SHANK2: variants seen among roughly 807,000 people sequenced by gnomAD.
SHANK2 encodes the protein SH3 and multiple ankyrin repeat domains 2.
A neutral mutation model predicts 133.7 loss-of-function variants in SHANK2; 43 were observed. The ratio of observed to expected loss-of-function variants is 0.32; its 90% CI spans 0.25 to 0.41. The LOEUF (loss-of-function observed/expected upper bound fraction) is 0.41. Among genes scored for constraint, SHANK2 ranks in the 10% least tolerant of loss-of-function variants. SHANK2 has a pLI of 1.00. For synonymous variants in SHANK2, 1,017 were observed against 952.8 expected (o/e 1.07, Z -1.24); for missense variants, 1,994 against 2,235.8 (o/e 0.89, Z 2.18).
chr11:70,488,541 G>A (rs1487758637), intron 24 of SHANK2, among the ~76,000 whole-genome samples: 2 of 152,222 alleles, frequency 1.3e-5, no homozygotes, highest in African/African-American at 2.4e-5. Flanking sequence ...GGGAATTGCA[G>A]CTCAGAGGAG....
At chr11:71,212,302 A>G (rs1195408732) in intron 2 of SHANK2, among the ~76,000 whole-genome samples, 2 of 152,214 alleles carry the variant, frequency 1.3e-5, no homozygotes, top group Admixed American at 6.5e-5. Flanking sequence ...TTGGGAAAAC[A>G]GCTAAAAAGA....
intron 2 of SHANK2, among the ~76,000 whole-genome samples, chr11:71,205,855 C>T (rs1432540044): frequency 6.6e-6 from 1 of 152,082 alleles, no homozygotes; most frequent in Non-Finnish European, 1.5e-5. Flanking sequence ...TGTCAAGAGT[C>T]GTTTCTGGAT....
At chr11:70,568,631 G>A (rs1345614082) in intron 17 of SHANK2, among the ~76,000 whole-genome samples, 1 of 132,344 alleles carries the variant, frequency 7.6e-6, no homozygotes, top group Non-Finnish European at 1.6e-5. Context: ...TCTCCCATGT[G>A]GGCAGCGGAT....
At chr11:71,165,421 A>C (rs1394017570) in intron 2 of SHANK2, among the ~76,000 whole-genome samples, 97 of 152,318 alleles carry the variant, frequency 6.4e-4, no homozygotes, top group Non-Finnish European at 1.2e-3. Flanking sequence ...AATCTCTTGC[A>C]GACCTCCCTG....
chr11:70,538,687 T>C (rs2059575297), intron 17 of SHANK2, among the ~76,000 whole-genome samples: 1 of 152,206 alleles, frequency 6.6e-6, no homozygotes, highest in Non-Finnish European at 1.5e-5. Flanking sequence ...GCTGGTTCCC[T>C]GGGGCTCTGC....
chr11:71,216,360 G>T (rs1954413715), intron 2 of SHANK2, among the ~76,000 whole-genome samples: 2 of 152,142 alleles, frequency 1.3e-5, no homozygotes, highest in African/African-American at 2.4e-5. Context: ...TGAGAAGATG[G>T]ACACAAAGGT....
chr11:71,069,238 C>G (rs1951109851), intron 9 of SHANK2, among the ~76,000 whole-genome samples: 1 of 152,012 alleles, frequency 6.6e-6, no homozygotes, highest in South Asian at 2.1e-4. Context: ...CCACCATCAC[C>G]ATTACCATGG....
intron 3 of SHANK2, among the ~76,000 whole-genome samples, chr11:71,129,877 T>C (rs1555103403): frequency 6.6e-6 from 1 of 152,180 alleles, no homozygotes; most frequent in South Asian, 2.1e-4. Context: ...AACAGGCTGC[T>C]TAAACCGCAG....
chr11:71,081,482 T>C (rs1951299677), intron 8 of SHANK2, among the ~76,000 whole-genome samples: 1 of 152,140 alleles, frequency 6.6e-6, no homozygotes, highest in Admixed American at 6.5e-5. Context: ...TCTCATAACA[T>C]GATTTTTGGA....
At chr11:70,866,950 C>T (rs945785938) in intron 11 of SHANK2, among the ~76,000 whole-genome samples, 1 of 151,992 alleles carries the variant, frequency 6.6e-6, no homozygotes, top group Admixed American at 6.6e-5. Context: ...CAGCCTCTGC[C>T]TTCACTCCCT....
At position 70,473,168 on chromosome 11, in the gene SHANK2, C is replaced by T. The variant is rs782688658; in HGVS notation, c.5251G>A (p.Asp1751Asn). ...CCCGCTGGGTTCAAGCCAAATAGAT[C>T]CCCAGAAGGGGGCTGGCTTGGAAGG... is the stretch of plus-strand genomic sequence containing the variant. ...FSLPSQPPSG[D>N]LFGLNPAGRS... The change falls in exon 26 of 26, where the codon GAT (aspartate) becomes AAT (asparagine). Residue 1751 changes from aspartate to asparagine, a missense_variant. This residue lies in a region of SHANK2 where 797 missense variants were observed against 907.4 expected (regional missense o/e 0.88). Coordinates refer to ENST00000601538, the MANE Select transcript of SHANK2 (RefSeq NM_012309.5). The surrounding 1 kb of genome is among the most constrained non-coding windows in gnomAD (Gnocchi z 5.9). The T allele has an allele frequency of 1.2e-6, 2 of 1,613,750 alleles. No homozygotes were observed. Among genetic ancestry groups the T allele is most frequent in the Non-Finnish European group, 1.7e-6 (2 of 1,179,656 alleles).
At position 71,186,229 on chromosome 11, in the gene SHANK2, A is replaced by T. The variant is rs376791285; in HGVS notation, c.-13+38468T>A. On this transcript the variant is annotated intron_variant, in intron 2 of 25. Coordinates refer to ENST00000601538, the MANE Select transcript of SHANK2 (RefSeq NM_012309.5). The stretch of plus-strand genomic sequence containing the variant: ...AACTTCAGTCCTGCACGTCCCAGGC[A>T]AAACACAAGTCAACACCTGCTGATG... Among the ~76,000 whole-genome samples, 8 of 152,362 alleles carry T rather than the reference A, an allele frequency of 5.3e-5. 1 individual carries two copies. The East Asian group carries it at 1.2e-3, about 22-fold the overall frequency.
At chr11:71,222,223 T>G (rs1271557952) in intron 2 of SHANK2, among the ~76,000 whole-genome samples, 2 of 148,974 alleles carry the variant, frequency 1.3e-5, no homozygotes, top group Non-Finnish European at 3.0e-5. Context: ...GGTCACCAAC[T>G]GTGTGGGCTG....
At chr11:70,895,896 A>G (rs1949926645) in intron 11 of SHANK2, among the ~76,000 whole-genome samples, 1 of 151,908 alleles carries the variant, frequency 6.6e-6, no homozygotes, top group African/African-American at 2.4e-5. Context: ...AACCAAGCAG[A>G]AGGAATAGAG....
intron 2 of SHANK2, among the ~76,000 whole-genome samples, chr11:71,215,511 C>T (rs545914230): frequency 3.9e-5 from 6 of 152,172 alleles, no homozygotes; most frequent in Non-Finnish European, 5.9e-5. Flanking sequence ...CCTGAGCGAA[C>T]GTGAGGTCAG....
rs143165036 is a variant in SHANK2 at position 71,202,070 on chromosome 11, C to G, written c.-13+22627G>C. Reference sequence around the variant, plus strand: ...AGGAGGGGTGTGCCCACATGGCTCACGGGTACACAGTAGGTGCTTAATCAC... The same window carrying G: ...AGGAGGGGTGTGCCCACATGGCTCAGGGGTACACAGTAGGTGCTTAATCAC... On this transcript the variant is annotated intron_variant, in intron 2 of 25. Coordinates refer to ENST00000601538, the MANE Select transcript of SHANK2 (RefSeq NM_012309.5). 3.0e-3 allele frequency among the ~76,000 whole-genome samples: 462 copies of G among 152,338 alleles called. 2 individuals carry two copies. The highest frequency in any genetic ancestry group is 3.7e-3 in the Non-Finnish European group (255 of 68,036).
chr11:71,122,061 G>T (rs1464566547), intron 3 of SHANK2, among the ~76,000 whole-genome samples: 3 of 152,232 alleles, frequency 2.0e-5, no homozygotes, highest in Non-Finnish European at 2.9e-5. Context: ...GTGTACACTA[G>T]TTCAACTGTT....
chr11:70,515,798 C>T lies in SHANK2; in HGVS notation c.2062-12867G>A, dbSNP rs557296792. 4.6e-5 allele frequency among the ~76,000 whole-genome samples: 7 copies of T among 152,060 alleles called. No individual in the cohort carries two copies. In the East Asian group the frequency reaches 9.7e-4, roughly 21 times the overall value. The stretch of plus-strand genomic sequence containing the variant: ...CTGCACTCCAGCCTGGGCAACAGAG[C>T]GAGACCTGTCTCAAAAAAATTTTTT... On this transcript the variant is annotated intron_variant, in intron 17 of 25. Coordinates refer to ENST00000601538, the MANE Select transcript of SHANK2 (RefSeq NM_012309.5).
chr11:71,215,369 CT>C (rs1347726025), intron 2 of SHANK2, among the ~76,000 whole-genome samples: 1 of 152,180 alleles, frequency 6.6e-6, no homozygotes, highest in Non-Finnish European at 1.5e-5. Context: ...ACTCTGTCAT[CT>C]CAAGGCTTTG....
Sources: gnomAD v4.1 joint callset for allele counts (sites outside exome capture counted in the v4.1 genomes callset) on GRCh38, gnomAD v4.1.1 for gene constraint, gnomAD v4.1.1 regional missense constraint, Gnocchi (gnomAD v3.1) non-coding constraint, MANE v1.5 for transcripts, NCBI Gene and HGNC (gene_info 2026-07-23, HGNC 2026-07-21) for gene names.